The following ANKFN1 variants were observed in gnomAD, a reference collection of about 807,000 sequenced individuals.
The protein encoded by ANKFN1 is ankyrin repeat and fibronectin type III domain containing 1.
In ANKFN1, 74 loss-of-function variants were observed where a neutral mutation model predicts 108.7. That is an observed-to-expected ratio of 0.68 (90% confidence interval 0.56 to 0.83). ANKFN1 has a LOEUF of 0.83. Ranked by LOEUF, ANKFN1 falls within the 40% of genes least tolerant of loss-of-function variation. ANKFN1 has a pLI of 0.00. For synonymous variants in ANKFN1, 547 were observed against 516.2 expected, an observed-to-expected ratio of 1.06 and a Z score of -0.81; for missense variants, 1,505 against 1,382.3, an observed-to-expected ratio of 1.09 and a Z score of -1.41.
chr17:56,180,363 G>T (rs1035072), intron 1 of ANKFN1, among the ~76,000 whole-genome samples: 6,510 of 152,192 alleles, frequency 0.043, 464 homozygotes, highest in African/African-American at 0.15. Flanking sequence ...GGTACTCAAG[G>T]TCTCTTCTGT....
At chr17:56,132,630 GT>G (rs1303146532) in intron 4 of ANKFN1, among the ~76,000 whole-genome samples, 1 of 152,130 alleles carries the variant, frequency 6.6e-6, no homozygotes, top group East Asian at 1.9e-4. Flanking sequence ...ACTCAAATGG[GT>G]TGCTTATAAG....
intron 2 of ANKFN1, among the ~76,000 whole-genome samples, chr17:56,222,007 C>T (rs549304578): frequency 4.9e-4 from 74 of 152,348 alleles, no homozygotes; most frequent in Non-Finnish European, 9.3e-4. Flanking sequence ...TTCCAGTCCC[C>T]ACCCCAGACC....
At chr17:56,360,500 T>C (rs2046488267) in intron 6 of ANKFN1, among the ~76,000 whole-genome samples, 1 of 152,228 alleles carries the variant, frequency 6.6e-6, no homozygotes. Flanking sequence ...TTTTATTTGC[T>C]TATTTTCATC....
At chr17:56,224,865 T>C (rs1443282177) in intron 2 of ANKFN1, 4 of 152,264 alleles carry the variant, frequency 2.6e-5, no homozygotes, top group Admixed American at 2.6e-4. Flanking sequence ...TCAAAGTCTG[T>C]TCTGTATGAA....
At chr17:56,147,938 C>T (rs1314645780) in intron 4 of ANKFN1, among the ~76,000 whole-genome samples, 2 of 152,196 alleles carry the variant, frequency 1.3e-5, no homozygotes, top group Non-Finnish European at 2.9e-5. Flanking sequence ...TCCTTCTTCT[C>T]TGCCAGATCC....
chr17:56,350,711 G>T (rs1179843975), intron 4 of ANKFN1, 55 bp from the exon 5 acceptor site: 13 of 1,500,114 alleles, frequency 8.7e-6, no homozygotes, highest in Non-Finnish European at 1.2e-5. Flanking sequence ...AAAATCATAT[G>T]TCAACTTATA....
At chr17:56,105,806 C>A (rs72829722) in intron 4 of ANKFN1, among the ~76,000 whole-genome samples, 52,697 of 150,674 alleles carry the variant, frequency 0.35, 9,876 homozygotes, top group East Asian at 0.53. Flanking sequence ...AGCCTTAGAT[C>A]AGTGGTTCTC....
chr17:56,105,630 T>A (rs905707997), intron 4 of ANKFN1, among the ~76,000 whole-genome samples: 1 of 152,004 alleles, frequency 6.6e-6, no homozygotes, highest in Non-Finnish European at 1.5e-5. Context: ...GTCTGTCATT[T>A]TTCTCTTCCT....
At chr17:56,287,643 A>T (rs1208673988) in intron 3 of ANKFN1, among the ~76,000 whole-genome samples, 1 of 152,200 alleles carries the variant, frequency 6.6e-6, no homozygotes, top group African/African-American at 2.4e-5. Context: ...GCATCTGGGT[A>T]TAGGTGGGAA....
chr17:56,075,691 G>A (rs1409756797), intron 4 of ANKFN1, among the ~76,000 whole-genome samples: 1 of 152,124 alleles, frequency 6.6e-6, no homozygotes, highest in Non-Finnish European at 1.5e-5. Context: ...CACAAGGCAG[G>A]CTTTGCAAAG....
At chr17:56,387,491 T>G (rs527444839) in intron 8 of ANKFN1, among the ~76,000 whole-genome samples, 2 of 152,348 alleles carry the variant, frequency 1.3e-5, no homozygotes, top group East Asian at 3.9e-4. Context: ...CTAATTTTAT[T>G]ATGCACATAT....
At chr17:56,400,203 C>G (rs2047718449) in intron 8 of ANKFN1, among the ~76,000 whole-genome samples, 1 of 152,050 alleles carries the variant, frequency 6.6e-6, no homozygotes, top group African/African-American at 2.4e-5. Context: ...TTCCCATCAG[C>G]AGTGTAGAAA....
intron 1 of ANKFN1, among the ~76,000 whole-genome samples, chr17:56,154,202 C>G (rs1267001547): frequency 6.6e-6 from 1 of 151,898 alleles, no homozygotes; most frequent in African/African-American, 2.4e-5. Flanking sequence ...GGAGGAAATG[C>G]CTGTTATTGA....
intron 4 of ANKFN1, among the ~76,000 whole-genome samples, chr17:56,124,242 C>T (rs1188238961): frequency 6.6e-6 from 1 of 152,092 alleles, no homozygotes; most frequent in Non-Finnish European, 1.5e-5. Flanking sequence ...CTCTTTTTAT[C>T]CTAATATAAT....
chr17:56,354,505 C>T (rs2046325883), intron 6 of ANKFN1, among the ~76,000 whole-genome samples: 1 of 152,072 alleles, frequency 6.6e-6, no homozygotes, highest in African/African-American at 2.4e-5. Flanking sequence ...GACAAAAGTC[C>T]CTATTCTCAT....
At chr17:56,408,038 G>A (rs921986511) in intron 8 of ANKFN1, among the ~76,000 whole-genome samples, 2 of 147,846 alleles carry the variant, frequency 1.4e-5, no homozygotes, top group South Asian at 2.2e-4. Context: ...GGGTTCAAGC[G>A]ATTCTCTTGC....
intron 4 of ANKFN1, among the ~76,000 whole-genome samples, chr17:56,088,286 A>G (rs1309598382): frequency 1.3e-5 from 2 of 151,300 alleles, no homozygotes; most frequent in Non-Finnish European, 3.0e-5. Flanking sequence ...TCTACTCATG[A>G]AACAATTTTA....
intron 4 of ANKFN1, among the ~76,000 whole-genome samples, chr17:56,129,113 T>C (rs1195041230): frequency 1.3e-5 from 2 of 152,204 alleles, no homozygotes; most frequent in Non-Finnish European, 2.9e-5. Context: ...CTATTAATTT[T>C]AAGGCATCAT....
At chr17:56,163,035 CAA>C in intron 1 of ANKFN1, among the ~76,000 whole-genome samples, 1 of 104,370 alleles carries the variant, frequency 9.6e-6, no homozygotes. Flanking sequence ...GACTCCATCT[CAA>C]AAAAAAAAAG....
Sources: allele counts gnomAD v4.1 joint callset (sites outside exome capture counted in the v4.1 genomes callset), GRCh38; gene constraint gnomAD v4.1.1; transcripts MANE v1.5; gene names NCBI Gene and HGNC (gene_info 2026-07-23, HGNC 2026-07-21).